PARK7: variants seen among roughly 807,000 people sequenced by gnomAD.
The protein encoded by PARK7 is Parkinsonism associated deglycase.
Under a neutral mutation model 20.5 loss-of-function variants are expected in PARK7, and 14 were observed. That is an observed-to-expected ratio of 0.68 (90% CI 0.45 to 1.07). PARK7 has a LOEUF of 1.07. PARK7 is among the 50% of genes least tolerant of loss of function. PARK7 has a pLI of 0.00. For synonymous variants in PARK7, 98 were observed against 84.3 expected (o/e 1.16, Z -0.89); for missense variants, 234 against 238.1 (o/e 0.98, Z 0.11).
chr1:7,979,835 T>G (rs1409831531), intron 6 of PARK7, among the ~76,000 whole-genome samples: 1 of 152,166 alleles, frequency 6.6e-6, no homozygotes, highest in Non-Finnish European at 1.5e-5. Context: ...AAAGATACTA[T>G]GTTATCATTA....
intron 3 of PARK7, chr1:7,969,007 G>T: frequency 4.4e-6 from 1 of 226,028 alleles, no homozygotes; most frequent in East Asian, 1.0e-4. Flanking sequence ...CAGAATATGT[G>T]GGGTGGGGTG....
intron 2 of PARK7, 54 bp downstream of exon 2, chr1:7,962,929 T>G (rs375064170): frequency 7.2e-7 from 1 of 1,387,140 alleles, no homozygotes; most frequent in African/African-American, 1.4e-5. Flanking sequence ...TTTGGATTTT[T>G]AAATCATTTT....
Position 7,984,549 on chromosome 1 carries a change from T to C in PARK7, c.410-345T>C. Among the ~76,000 whole-genome samples, 1 of 152,234 alleles carries C rather than the reference T, an allele frequency of 6.6e-6. No homozygotes were observed. Among genetic ancestry groups the C allele is most frequent in the Admixed American group, 6.5e-5 (1 of 15,286 alleles). ...TCAGCGCTGCCGCATCCCTTCACCC[T>C]TCCCCGGCACTTCAGAATTGACACT... On this transcript the variant is annotated intron_variant, in intron 6 of 6. Coordinates refer to ENST00000338639, the MANE Select transcript of PARK7 (RefSeq NM_007262.5). The surrounding 1 kb of genome is among the most constrained non-coding windows in gnomAD (Gnocchi z 4.3).
chr1:7,962,249 A>G (rs1640222148), intron 1 of PARK7: 1 of 156,314 alleles, frequency 6.4e-6, no homozygotes, highest in Non-Finnish European at 1.4e-5. Flanking sequence ...TCAGACATTT[A>G]ACACTGTTGA....
chr1:7,962,336 G>T (rs1051379322), intron 1 of PARK7, among the ~76,000 whole-genome samples: 1 of 152,108 alleles, frequency 6.6e-6, no homozygotes, highest in Non-Finnish European at 1.5e-5. Context: ...AGTTAATTGC[G>T]AAAGACCACA....
chr1:7,974,826 A>G (rs1640543307), intron 5 of PARK7, among the ~76,000 whole-genome samples: 1 of 150,112 alleles, frequency 6.7e-6, no homozygotes, highest in African/African-American at 2.5e-5. Flanking sequence ...GATCTTTTAA[A>G]TTGGCAAACA....
chr1:7,978,520 G>T lies in PARK7; in HGVS notation c.409+782G>T, dbSNP rs568082174. ...GGACTCTCCTGTCTCAGCCTCCCGA[G>T]TAGCTGGGATTACAGGCATGTGCCA... On this transcript the variant is annotated intron_variant, in intron 6 of 6. Coordinates refer to ENST00000338639, the MANE Select transcript of PARK7 (RefSeq NM_007262.5). Among the ~76,000 whole-genome samples, 34 of 151,818 alleles carry T rather than the reference G, an allele frequency of 2.2e-4. 1 individual carries two copies. The highest frequency in any genetic ancestry group is 8.2e-4 in the African/African-American group (34 of 41,418).
At chr1:7,975,598 G>A (rs927596017) in intron 5 of PARK7, among the ~76,000 whole-genome samples, 8 of 152,140 alleles carry the variant, frequency 5.3e-5, no homozygotes, top group African/African-American at 1.9e-4. Flanking sequence ...GGGTTCTGAC[G>A]CCCCAGAAAG....
chr1:7,967,082 C>T (rs1640346034), intron 3 of PARK7, among the ~76,000 whole-genome samples: 1 of 152,190 alleles, frequency 6.6e-6, no homozygotes, highest in Non-Finnish European at 1.5e-5. Flanking sequence ...CCTATCCTCC[C>T]CAGCCTCTAG....
At chr1:7,974,498 G>A (rs1374278622) in intron 5 of PARK7, among the ~76,000 whole-genome samples, 6 of 151,744 alleles carry the variant, frequency 4.0e-5, no homozygotes, top group African/African-American at 1.5e-4. Flanking sequence ...GCGTGGTGGC[G>A]GGTGCCTGTA....
At chr1:7,982,556 T>G (rs1640734325) in intron 6 of PARK7, among the ~76,000 whole-genome samples, 1 of 152,072 alleles carries the variant, frequency 6.6e-6, no homozygotes, top group African/African-American at 2.4e-5. Context: ...GTAGAACCTT[T>G]AAGCATATTT....
At position 7,984,982 on chromosome 1, in the gene PARK7, T is replaced by TG. The variant is rs1269715184; in HGVS notation, c.499dup (p.Ala167GlyfsTer4). 1 of 1,614,202 alleles carries TG rather than the reference T, an allele frequency of 6.2e-7. No homozygotes were observed. The highest frequency in any genetic ancestry group is 8.5e-7 in the Non-Finnish European group (1 of 1,180,046). ...CTGGGACCAGCTTCGAGTTTGCGCT[T>TG]GCAATTGTTGAAGCCCTGAATGGCA... On this transcript the variant is annotated frameshift_variant, in exon 7 of 7. Coordinates refer to ENST00000338639, the MANE Select transcript of PARK7 (RefSeq NM_007262.5). LOFTEE classifies it high-confidence loss of function. The surrounding 1 kb of genome is among the most constrained non-coding windows in gnomAD (Gnocchi z 4.3).
chr1:7,968,001 C>T (rs1051300055), intron 3 of PARK7, among the ~76,000 whole-genome samples: 7 of 151,482 alleles, frequency 4.6e-5, no homozygotes, highest in South Asian at 2.1e-4. Flanking sequence ...TTTTTTTAAC[C>T]ACTTTTTAAA....
chr1:7,963,386 C>CTTTTT (rs34942518), intron 2 of PARK7, among the ~76,000 whole-genome samples: 1 of 140,964 alleles, frequency 7.1e-6, no homozygotes, highest in African/African-American at 2.6e-5. Flanking sequence ...CTTTTTTCTT[C>CTTTTT]TTTTTTTTTT....
intron 1 of PARK7, 79 bp from the exon 2 acceptor site, chr1:7,962,684 C>A: frequency 2.3e-6 from 2 of 870,078 alleles, no homozygotes; most frequent in Non-Finnish European, 3.6e-6. Flanking sequence ...CTTGAAAATG[C>A]TCCTAAACTT....
In PARK7 at chr1:7,985,004, G is replaced by A; in HGVS notation, c.520G>A (p.Gly174Ser). ...FALAIVEALN[G>S]KEVAAQVKAP... Reference sequence around the variant, plus strand: ...GCTTGCAATTGTTGAAGCCCTGAATGGCAAGGAGGTGGCGGCTCAAGTGAA... The same window carrying A: ...GCTTGCAATTGTTGAAGCCCTGAATAGCAAGGAGGTGGCGGCTCAAGTGAA... Residue 174 changes from glycine (G) to serine (S), a missense_variant, in exon 7 of 7, where the codon GGC becomes AGC. Transcript: ENST00000338639. 1 of 1,614,212 alleles carries A rather than the reference G, an allele frequency of 6.2e-7. No homozygotes were observed. The highest frequency in any genetic ancestry group is 1.1e-5 in the South Asian group (1 of 91,090).
chr1:7,978,888 T>C (rs900280665), intron 6 of PARK7, among the ~76,000 whole-genome samples: 2 of 152,086 alleles, frequency 1.3e-5, no homozygotes, highest in African/African-American at 4.8e-5. Context: ...CTGTAGAATT[T>C]TATCTATCAC....
rs889820631 is a variant in PARK7, at chr1:7,961,712, C to G, written c.-105C>G. ...GACGGCGCGCGTGCGTGCTGGCGTG[C>G]GTTCATTTTCAGCCTGGTGTGGGGT... On this transcript the variant is annotated 5_prime_UTR_variant, in exon 1 of 7. Transcript: ENST00000338639. 6.5e-6 allele frequency: 1 copy of G among 153,374 alleles called. No homozygotes were observed. The highest frequency in any genetic ancestry group is 1.5e-5 in the Non-Finnish European group (1 of 68,888). The allele number at this position is 153,374 out of a possible 1,614,324, so 9.5% of individuals were successfully genotyped here.
At chr1:7,982,149 A>ATT (rs760318319) in intron 6 of PARK7, among the ~76,000 whole-genome samples, 5 of 116,614 alleles carry the variant, frequency 4.3e-5, no homozygotes, top group African/African-American at 9.6e-5. Context: ...TAATTTTTGT[A>ATT]TTTTTTTTTT....
Sources: allele counts gnomAD v4.1 joint callset (sites outside exome capture counted in the v4.1 genomes callset), GRCh38; gene constraint gnomAD v4.1.1; non-coding constraint Gnocchi (gnomAD v3.1); transcripts MANE v1.5; gene names NCBI Gene and HGNC (gene_info 2026-07-23, HGNC 2026-07-21).